Variants in SLC9C2 observed in about 807,000 individuals in gnomAD.
SLC9C2 encodes solute carrier family 9 member C2 (putative), also known as sodium/hydrogen exchanger 11.
Under a neutral mutation model 140.2 loss-of-function variants are expected in SLC9C2, and 75 were observed. That is an observed-to-expected ratio of 0.53 (90% CI 0.44 to 0.65). The LOEUF (loss-of-function observed/expected upper bound fraction) is 0.65. SLC9C2 is among the 30% of genes least tolerant of loss of function. The probability of loss-of-function intolerance (pLI) is 0.00; values close to 1 mark genes in which losing one functional copy is unlikely to be tolerated. For synonymous variants in SLC9C2, 375 were observed against 420.9 expected (o/e 0.89, Z 1.34); for missense variants, 1,074 against 1,331.8 (o/e 0.81, Z 3.01).
At chr1:173,578,983 T>C (rs1469532427) in intron 7 of SLC9C2, among the ~76,000 whole-genome samples, 1 of 152,244 alleles carries the variant, frequency 6.6e-6, no homozygotes, top group Non-Finnish European at 1.5e-5. Context: ...GGAGGCTACC[T>C]AGCAAGCTTT....
At chr1:173,517,416 T>C (rs1660497073) in intron 23 of SLC9C2, 121 bp downstream of exon 23, 9 of 916,160 alleles carry the variant, frequency 9.8e-6, no homozygotes, top group Admixed American at 3.0e-5. Context: ...TTTTCAGCTA[T>C]GTTACCTCCC....
chr1:173,504,065 A>G (rs901639458), intron 26 of SLC9C2, among the ~76,000 whole-genome samples: 1 of 152,142 alleles, frequency 6.6e-6, no homozygotes, highest in South Asian at 2.1e-4. Flanking sequence ...CAGCCTTGCC[A>G]TAGACTCCTG....
intron 22 of SLC9C2, 116 bp downstream of exon 22, chr1:173,521,185 T>A: frequency 1.9e-6 from 1 of 538,166 alleles, no homozygotes; most frequent in Admixed American, 4.2e-5. Flanking sequence ...TAGAAATGGT[T>A]TCATCACATT....
chr1:173,501,505 CT>C (rs35363966), intron 27 of SLC9C2, among the ~76,000 whole-genome samples: 247 of 96,316 alleles, frequency 2.6e-3, no homozygotes, highest in African/African-American at 4.9e-3. Context: ...TTATTTGACT[CT>C]TTTTTTTTTT....
At chr1:173,600,904 A>G (rs1402843599) in intron 2 of SLC9C2, among the ~76,000 whole-genome samples, 1 of 152,248 alleles carries the variant, frequency 6.6e-6, no homozygotes, top group Non-Finnish European at 1.5e-5. Context: ...GCTTCTGTAT[A>G]GTATTCCTAG....
intron 11 of SLC9C2, among the ~76,000 whole-genome samples, chr1:173,550,431 T>G (rs1558056971): frequency 8.2e-6 from 1 of 122,396 alleles, no homozygotes; most frequent in Non-Finnish European, 1.6e-5. Context: ...TTTATTTATT[T>G]ATTTATTTAT....
chr1:173,531,772 CTT>C (rs1042026438), intron 17 of SLC9C2, among the ~76,000 whole-genome samples: 26 of 152,198 alleles, frequency 1.7e-4, no homozygotes, highest in South Asian at 4.1e-4. Context: ...CAATAATACA[CTT>C]TTAAATCTTT....
At chr1:173,536,802 TGGAC>T (rs1661994569) in intron 14 of SLC9C2, 136 bp downstream of exon 14, 1 of 629,050 alleles carries the variant, frequency 1.6e-6, no homozygotes, top group African/African-American at 1.9e-5. Context: ...GACAGACAGA[TGGAC>T]AGACAGAAGA....
chr1:173,579,136 A>G (rs1337814306), intron 7 of SLC9C2, among the ~76,000 whole-genome samples: 1 of 152,178 alleles, frequency 6.6e-6, no homozygotes, highest in Non-Finnish European at 1.5e-5. Flanking sequence ...TCTATCATTC[A>G]TCCACACTCT....
intron 17 of SLC9C2, among the ~76,000 whole-genome samples, chr1:173,530,335 C>T (rs1348441213): frequency 6.6e-6 from 1 of 152,158 alleles, no homozygotes; most frequent in African/African-American, 2.4e-5. Flanking sequence ...ATAACTGACT[C>T]TTGCTTTAGG....
intron 9 of SLC9C2, among the ~76,000 whole-genome samples, chr1:173,569,305 A>AT (rs1197474838): frequency 6.6e-6 from 1 of 151,752 alleles, no homozygotes; most frequent in Non-Finnish European, 1.5e-5. Context: ...TGTCACTTGC[A>AT]TTTTTTATTC....
At chr1:173,509,750 C>T (rs1350716440) in intron 23 of SLC9C2, 51 bp from the exon 24 acceptor site, 1 of 1,541,966 alleles carries the variant, frequency 6.5e-7, no homozygotes, top group Admixed American at 2.4e-5. Context: ...AACTAAATTA[C>T]AAGACCATCA....
chr1:173,600,129 G>A lies in SLC9C2; in HGVS notation c.216C>T (p.Tyr72=), dbSNP rs1165579510. ...GTACATACAGTACCTCAACAGAATT[G>A]TAGGCCATGTGTCCTATCACGAATC... is the stretch of plus-strand genomic sequence containing the variant. The part of the protein sequence containing the change: ...LSGFVIGHMA[Y]NSVEVHQIVY... Residue 72 remains tyrosine (Y), a synonymous_variant, in exon 3 of 28, where the codon TAC becomes TAT. Transcript: ENST00000367714. The A allele has an allele frequency of 6.2e-7, 1 of 1,602,330 alleles. No homozygotes were observed.
chr1:173,562,647 A>T (rs1022996820), intron 9 of SLC9C2, among the ~76,000 whole-genome samples: 1 of 152,240 alleles, frequency 6.6e-6, no homozygotes, highest in Non-Finnish European at 1.5e-5. Context: ...CCAGATTTTT[A>T]AAATAATTTA....
intron 16 of SLC9C2, 93 bp downstream of exon 16, chr1:173,534,391 C>G (rs1381623240): frequency 1.5e-6 from 2 of 1,299,316 alleles, no homozygotes; most frequent in Non-Finnish European, 2.1e-6. Flanking sequence ...GCAAATGGCT[C>G]TTGGTATCAA....
intron 4 of SLC9C2, among the ~76,000 whole-genome samples, chr1:173,596,106 C>T (rs1046650013): frequency 7.2e-5 from 11 of 152,218 alleles, no homozygotes; most frequent in South Asian, 2.1e-4. Flanking sequence ...TTGTGCCTAT[C>T]GATACTCCAT....
At chr1:173,540,519 A>G (rs1356008932) in intron 13 of SLC9C2, among the ~76,000 whole-genome samples, 1 of 152,170 alleles carries the variant, frequency 6.6e-6, no homozygotes, top group Non-Finnish European at 1.5e-5. Context: ...GGCAGTGAGA[A>G]GACTGTTAGT....
intron 18 of SLC9C2, among the ~76,000 whole-genome samples, chr1:173,528,795 G>A (rs1661378638): frequency 6.6e-6 from 1 of 152,188 alleles, no homozygotes; most frequent in Non-Finnish European, 1.5e-5. Context: ...AACTTGGGCT[G>A]AGAAAACACC....
At chr1:173,511,795 T>C (rs144247265) in intron 23 of SLC9C2, among the ~76,000 whole-genome samples, 2,314 of 152,346 alleles carry the variant, frequency 0.015, 27 homozygotes, top group Non-Finnish European at 0.025. Context: ...GTTTTACATG[T>C]AAGTCTTTAA....
Sources: allele counts gnomAD v4.1 joint callset (sites outside exome capture counted in the v4.1 genomes callset), GRCh38; gene constraint gnomAD v4.1.1; transcripts MANE v1.5; gene names NCBI Gene and HGNC (gene_info 2026-07-23, HGNC 2026-07-21).